Variants in TENM2 observed in about 807,000 individuals in gnomAD.
TENM2 encodes the protein teneurin-2.
TENM2 carries 52 observed loss-of-function variants against 245.2 expected under a neutral mutation model. The ratio of observed to expected loss-of-function variants is 0.21; its 90% CI spans 0.17 to 0.27. The LOEUF is 0.27. TENM2 is among the 10% of genes least tolerant of loss of function. The pLI, the probability that TENM2 is intolerant of heterozygous loss-of-function variation, is 1.00. For synonymous variants in TENM2, 1,363 were observed against 1,438.9 expected (o/e 0.95, Z 1.19); for missense variants, 3,046 against 3,666.8 (o/e 0.83, Z 4.37).
intron 2 of TENM2, among the ~76,000 whole-genome samples, chr5:167,478,990 A>ATATATG (rs1554163338): frequency 2.9e-4 from 44 of 151,368 alleles, no homozygotes; most frequent in African/African-American, 1.0e-3. Flanking sequence ...CTTTATATAT[A>ATATATG]TGTGTGTGTG....
At chr5:168,124,780 T>A in intron 10 of TENM2, 70 bp from the exon 13 acceptor site, 1 of 1,435,238 alleles carries the variant, frequency 7.0e-7, no homozygotes, top group Non-Finnish European at 9.4e-7. Flanking sequence ...AGCAAGCCCA[T>A]GTCTCATGGT....
At chr5:168,065,828 A>C (rs1790448421) in intron 7 of TENM2, among the ~76,000 whole-genome samples, 1 of 151,404 alleles carries the variant, frequency 6.6e-6, no homozygotes, top group African/African-American at 2.4e-5. Context: ...AAGAACCTAG[A>C]ATAATGGTAG....
At chr5:167,115,930 G>A in the TENM2 span, among the ~76,000 whole-genome samples, 1 of 152,172 alleles carries the variant, frequency 6.6e-6, no homozygotes, top group Admixed American at 6.5e-5. Flanking sequence ...TTTTGAGGGA[G>A]TCCTTCAGCT....
the TENM2 span, among the ~76,000 whole-genome samples, chr5:167,061,741 A>G: frequency 6.6e-6 from 1 of 152,148 alleles, no homozygotes; most frequent in Non-Finnish European, 1.5e-5. Context: ...TAAAGCAAAT[A>G]CAAACTGAAT....
At chr5:168,085,917 A>G (rs909704748) in intron 7 of TENM2, among the ~76,000 whole-genome samples, 5 of 152,250 alleles carry the variant, frequency 3.3e-5, no homozygotes, top group Admixed American at 6.5e-5. Context: ...TCAGGAGGCC[A>G]GCAATGCTGC....
At chr5:167,868,229 C>A (rs1772498846) in intron 2 of TENM2, among the ~76,000 whole-genome samples, 1 of 152,094 alleles carries the variant, frequency 6.6e-6, no homozygotes, top group African/African-American at 2.4e-5. Flanking sequence ...GCACCCCAAC[C>A]AAAAAGTTCC....
chr5:167,238,732 A>AATGGAACT, the TENM2 span, among the ~76,000 whole-genome samples: 1 of 152,020 alleles, frequency 6.6e-6, no homozygotes, highest in Admixed American at 6.5e-5. Flanking sequence ...AATAGTAAGA[A>AATGGAACT]ATGGAACTTA....
the TENM2 span, among the ~76,000 whole-genome samples, chr5:167,212,756 A>T: frequency 6.6e-6 from 1 of 152,340 alleles, no homozygotes; most frequent in South Asian, 2.1e-4. Flanking sequence ...AAGGCAGAAG[A>T]ATTAGATCAA....
chr5:167,917,703 C>G (rs1192602271), intron 3 of TENM2, among the ~76,000 whole-genome samples: 1 of 152,154 alleles, frequency 6.6e-6, no homozygotes, highest in African/African-American at 2.4e-5. Flanking sequence ...TCTTGCCCTA[C>G]AAGTTCATAG....
the TENM2 span, among the ~76,000 whole-genome samples, chr5:167,078,712 A>C: frequency 6.6e-6 from 1 of 152,142 alleles, no homozygotes; most frequent in Non-Finnish European, 1.5e-5. Flanking sequence ...TGGTCACAAC[A>C]TTTTCATCAA....
chr5:167,501,630 C>T (rs1246294472), intron 2 of TENM2, among the ~76,000 whole-genome samples: 2 of 152,122 alleles, frequency 1.3e-5, no homozygotes, highest in Non-Finnish European at 2.9e-5. Flanking sequence ...TTTCACATTA[C>T]CCACTGAACC....
At chr5:167,708,105 A>G (rs1162874028) in intron 2 of TENM2, among the ~76,000 whole-genome samples, 1 of 152,118 alleles carries the variant, frequency 6.6e-6, no homozygotes, top group Non-Finnish European at 1.5e-5. Flanking sequence ...TGAAATTCTG[A>G]TTCCTATTGA....
At chr5:167,144,409 T>C in the TENM2 span, among the ~76,000 whole-genome samples, 3 of 152,224 alleles carry the variant, frequency 2.0e-5, no homozygotes, top group African/African-American at 7.2e-5. Context: ...CCCGGTGCTT[T>C]GTTCTGGCCC....
intron 4 of TENM2, among the ~76,000 whole-genome samples, chr5:167,967,789 TA>T (rs1461219739): frequency 2.0e-5 from 3 of 152,168 alleles, no homozygotes; most frequent in Admixed American, 6.5e-5. Context: ...AAAAGCCAAA[TA>T]TTTCCATCTC....
intron 2 of TENM2, among the ~76,000 whole-genome samples, chr5:167,623,555 T>G (rs910967143): frequency 2.0e-5 from 3 of 152,148 alleles, no homozygotes; most frequent in African/African-American, 7.2e-5. Context: ...TTTTTATTAC[T>G]GAATTTGAAT....
At chr5:167,179,542 A>C in the TENM2 span, among the ~76,000 whole-genome samples, 1 of 152,126 alleles carries the variant, frequency 6.6e-6, no homozygotes, top group African/African-American at 2.4e-5. Flanking sequence ...CCCCTTTAGT[A>C]AATAAGGCTT....
chr5:168,071,145 C>T (rs919754375), intron 7 of TENM2, among the ~76,000 whole-genome samples: 7 of 152,154 alleles, frequency 4.6e-5, no homozygotes, highest in Non-Finnish European at 8.8e-5. Context: ...GTCATTCAGC[C>T]TTTCTGTGCC....
At chr5:167,870,569 A>ATATATATATG (rs372917707) in intron 2 of TENM2, among the ~76,000 whole-genome samples, 8,989 of 142,320 alleles carry the variant, frequency 0.063, 324 homozygotes, top group African/African-American at 0.084. Context: ...ATATATATAT[A>ATATATATATG]TGTGTGTGTA....
chr5:167,576,918 A>T (rs956180105), intron 2 of TENM2, among the ~76,000 whole-genome samples: 1 of 152,202 alleles, frequency 6.6e-6, no homozygotes, highest in Non-Finnish European at 1.5e-5. Context: ...AATTAGCCCA[A>T]TAGGATTTTC....
Sources: gnomAD v4.1 joint callset for allele counts (sites outside exome capture counted in the v4.1 genomes callset) on GRCh38, gnomAD v4.1.1 for gene constraint, MANE v1.5 for transcripts, NCBI Gene and HGNC (gene_info 2026-07-23, HGNC 2026-07-21) for gene names.